RDX: variants seen among roughly 807,000 people sequenced by gnomAD.
RDX encodes radixin, also known as deafness, autosomal recessive 24.
In RDX, 32 loss-of-function variants were observed where a neutral mutation model predicts 83.7. The ratio of observed to expected loss-of-function variants is 0.38; its 90% CI spans 0.29 to 0.51. The LOEUF (loss-of-function observed/expected upper bound fraction) is 0.51, where lower values mean the gene tolerates loss of function less well. Ranked by LOEUF, RDX falls within the 20% of genes least tolerant of loss-of-function variation. The pLI, the probability that RDX is intolerant of heterozygous loss-of-function variation, is 0.87. For synonymous variants in RDX, 229 were observed against 222.7 expected, an observed-to-expected ratio of 1.03 and a Z score of -0.25; for missense variants, 600 against 689.9, an observed-to-expected ratio of 0.87 and a Z score of 1.46.
intron 15 of RDX, among the ~76,000 whole-genome samples, chr11:110,199,118 A>G (rs1011437570): frequency 4.6e-5 from 7 of 152,136 alleles, no homozygotes; most frequent in Admixed American, 1.3e-4. Flanking sequence ...CCAGGCCTGA[A>G]TATGGATTTT....
chr11:110,294,483 T>C (rs780969126), intron 1 of RDX, among the ~76,000 whole-genome samples: 17 of 152,144 alleles, frequency 1.1e-4, no homozygotes, highest in Admixed American at 2.0e-4. Context: ...TAAAGTGACC[T>C]TGATGGACAG....
chr11:110,275,074 C>T (rs1159639904), intron 2 of RDX, among the ~76,000 whole-genome samples: 1 of 152,166 alleles, frequency 6.6e-6, no homozygotes, highest in Non-Finnish European at 1.5e-5. Context: ...TGGGCATTAT[C>T]AGATTTATTA....
intron 11 of RDX, among the ~76,000 whole-genome samples, chr11:110,236,866 T>G (rs77248726): frequency 0.016 from 2,474 of 152,188 alleles, 70 homozygotes; most frequent in East Asian, 0.11. Context: ...GTGATCCACC[T>G]GCCTCGGCCT....
intron 5 of RDX, among the ~76,000 whole-genome samples, chr11:110,258,867 C>CTTT (rs11421586): frequency 0.011 from 1,064 of 94,566 alleles, 8 homozygotes; most frequent in East Asian, 0.014. Flanking sequence ...CAAATACATT[C>CTTT]TTTTTTTTTT....
chr11:110,241,595 C>G (rs1029772307), intron 10 of RDX, among the ~76,000 whole-genome samples: 6 of 152,150 alleles, frequency 3.9e-5, no homozygotes, highest in African/African-American at 1.4e-4. Flanking sequence ...TTGCACCCAG[C>G]CTCAAACTTT....
At chr11:110,201,553 G>A (rs900195202) in intron 14 of RDX, among the ~76,000 whole-genome samples, 4 of 152,124 alleles carry the variant, frequency 2.6e-5, no homozygotes, top group African/African-American at 9.7e-5. Flanking sequence ...TATTTTAGCT[G>A]AAGGCAGCAG....
chr11:110,243,777 C>T (rs1326948938), intron 10 of RDX, among the ~76,000 whole-genome samples: 3 of 152,048 alleles, frequency 2.0e-5, no homozygotes, highest in Admixed American at 6.5e-5. Context: ...AGACACTCAA[C>T]GTCACCAGGT....
At chr11:110,265,592 G>A (rs577419276) in intron 3 of RDX, among the ~76,000 whole-genome samples, 33 of 151,842 alleles carry the variant, frequency 2.2e-4, no homozygotes, top group Non-Finnish European at 3.7e-4. Flanking sequence ...AGGGCAAATG[G>A]TATCATTTTG....
chr11:110,189,353 G>A (rs1863060841), intron 15 of RDX, among the ~76,000 whole-genome samples: 1 of 149,924 alleles, frequency 6.7e-6, no homozygotes, highest in Admixed American at 6.7e-5. Flanking sequence ...CAACATTGGA[G>A]CATCCAGCTT....
intron 5 of RDX, among the ~76,000 whole-genome samples, chr11:110,260,835 C>G (rs1240743137): frequency 6.6e-6 from 1 of 152,092 alleles, no homozygotes; most frequent in African/African-American, 2.4e-5. Flanking sequence ...ATTATTACTA[C>G]TATGTAGTAT....
chr11:110,233,427 A>T lies in RDX; in HGVS notation c.1397T>A (p.Val466Glu), dbSNP rs762407915. ...TGGAGGTGGAGGGGGGGCAGACATC[A>T]CAGTTTTTAACTCTTCTTTGGTCTT... is the stretch of plus-strand genomic sequence containing the variant. ...LEKTKEELKT[V>E]MSAPPPPPPP... The change falls in exon 13 of 14, where the codon GTG becomes GAG. Residue 466 changes from valine (V) to glutamate (E), a missense_variant. By Grantham distance (121) the Val-to-Glu change is moderately radical. Coordinates refer to ENST00000645495, the MANE Select transcript of RDX (RefSeq NM_002906.4). 6.2e-7 allele frequency: 1 copy of T among 1,614,084 alleles called. No individual in the cohort carries two copies. The highest frequency in any genetic ancestry group is 1.1e-5 in the South Asian group (1 of 91,080).
At chr11:110,209,297 G>A (rs553737574) in intron 14 of RDX, among the ~76,000 whole-genome samples, 10 of 152,148 alleles carry the variant, frequency 6.6e-5, no homozygotes, top group African/African-American at 2.4e-4. Context: ...AAAAAACGGC[G>A]CACCACGAGA....
At position 110,231,344 on chromosome 11, in the gene RDX, CTG is replaced by C. The variant is rs144848373; in HGVS notation, c.*523_*524del. On this transcript the variant is annotated 3_prime_UTR_variant, in exon 14 of 14. Transcript: ENST00000645495. ...CCATATTCTACATGATGATCAAAGA[CTG>C]TCCACTGTGCTACCTACCATCATTT... 0.038 allele frequency: 6,199 copies of C among 164,208 alleles called. 417 individuals carry two copies. Among genetic ancestry groups the C allele is most frequent in the African/African-American group, 0.14 (5,850 of 41,620 alleles). The allele number at this position is 164,208 out of a possible 1,614,324, so 10.2% of individuals were successfully genotyped here.
chr11:110,205,844 C>A (rs1863583706), intron 14 of RDX, among the ~76,000 whole-genome samples: 1 of 152,158 alleles, frequency 6.6e-6, no homozygotes, highest in South Asian at 2.1e-4. Context: ...TAATGACAGA[C>A]AACTCCCCTC....
At chr11:110,260,363 G>C (rs1244626100) in intron 5 of RDX, among the ~76,000 whole-genome samples, 1 of 152,082 alleles carries the variant, frequency 6.6e-6, no homozygotes, top group East Asian at 1.9e-4. Context: ...TTGACCTCTT[G>C]GTACCATTTG....
intron 15 of RDX, among the ~76,000 whole-genome samples, chr11:110,177,690 G>T (rs773923050): frequency 2.5e-4 from 38 of 152,076 alleles, no homozygotes; most frequent in Non-Finnish European, 4.9e-4. Flanking sequence ...TGCCATGTTG[G>T]CCAGGCTGGT....
intron 15 of RDX, among the ~76,000 whole-genome samples, chr11:110,176,300 G>A (rs1437217683): frequency 6.6e-6 from 1 of 152,090 alleles, no homozygotes; most frequent in Non-Finnish European, 1.5e-5. Context: ...CTGACCTCAA[G>A]TGATCTGCCT....
intron 10 of RDX, 84 bp from the exon 11 acceptor site, chr11:110,237,736 T>C (rs764327286): frequency 7.1e-7 from 1 of 1,415,982 alleles, no homozygotes; most frequent in Non-Finnish European, 1.0e-6. Flanking sequence ...TAGCAAGAAA[T>C]CAAATCTGTT....
chr11:110,246,291 G>A (rs1859102737), intron 10 of RDX, among the ~76,000 whole-genome samples: 1 of 152,178 alleles, frequency 6.6e-6, no homozygotes, highest in African/African-American at 2.4e-5. Context: ...AATCTTTGTG[G>A]CTTTCCCCTC....
Sources: gnomAD v4.1 joint callset for allele counts (sites outside exome capture counted in the v4.1 genomes callset) on GRCh38, gnomAD v4.1.1 for gene constraint, MANE v1.5 for transcripts, NCBI Gene and HGNC (gene_info 2026-07-23, HGNC 2026-07-21) for gene names.